HMBOX1: variants seen among roughly 807,000 people sequenced by gnomAD.
HMBOX1 encodes the protein homeobox-containing protein 1.
Under a neutral mutation model 54.5 loss-of-function variants are expected in HMBOX1, and 14 were observed. The observed-to-expected ratio is 0.26, with a 90% CI of 0.17 to 0.40. The LOEUF is 0.40. Among genes scored for constraint, HMBOX1 ranks in the 10% least tolerant of loss-of-function variants. HMBOX1 has a pLI of 1.00. For synonymous variants in HMBOX1, 160 were observed against 181.0 expected, an observed-to-expected ratio of 0.88 and a Z score of 0.93; for missense variants, 332 against 514.4, an observed-to-expected ratio of 0.65 and a Z score of 3.43.
intron 1 of HMBOX1, among the ~76,000 whole-genome samples, chr8:28,910,653 G>T (rs1301067872): frequency 6.6e-6 from 1 of 151,984 alleles, no homozygotes; most frequent in Non-Finnish European, 1.5e-5. Context: ...TGTGCTTATT[G>T]GCAATTCATA....
intron 5 of HMBOX1, among the ~76,000 whole-genome samples, chr8:29,017,489 A>G (rs1835204417): frequency 1.3e-5 from 2 of 152,238 alleles, no homozygotes; most frequent in African/African-American, 4.8e-5. Context: ...TTCTAAAAGT[A>G]GTAGCAGTGC....
Position 29,029,754 on chromosome 8 carries a change from G to A in HMBOX1, c.851+10841G>A, listed in dbSNP as rs187736133. Among the ~76,000 whole-genome samples, 3 of 152,302 alleles carry A rather than the reference G, an allele frequency of 2.0e-5. No homozygotes were observed. The East Asian group carries it at 5.8e-4, about 29-fold the overall frequency. On this transcript the variant is annotated intron_variant, in intron 6 of 9. Coordinates refer to ENST00000287701, the MANE Select transcript of HMBOX1 (RefSeq NM_001135726.3). ...GATTTGAAGAATAATTCTACTCATT[G>A]AACTTCTCAGCCCTTTATCTTCCTT...
chr8:28,910,123 T>G (rs1473835475), intron 1 of HMBOX1, among the ~76,000 whole-genome samples: 1 of 152,252 alleles, frequency 6.6e-6, no homozygotes, highest in African/African-American at 2.4e-5. Flanking sequence ...CCTTTTGTGT[T>G]TACAGATTTG....
intron 1 of HMBOX1, among the ~76,000 whole-genome samples, chr8:28,939,288 TAA>T (rs781363581): frequency 1.6e-4 from 21 of 130,256 alleles, no homozygotes; most frequent in Non-Finnish European, 1.3e-4. Context: ...AAACTCCGTC[TAA>T]AAAAAAAAAA....
At position 29,051,529 on chromosome 8, in the gene HMBOX1, T is replaced by C. The variant is rs1401369701; in HGVS notation, c.*374T>C. On this transcript the variant is annotated 3_prime_UTR_variant, in exon 10 of 10. Coordinates refer to ENST00000287701, the MANE Select transcript of HMBOX1 (RefSeq NM_001135726.3). ...CCTTTAGATTCTTGTAACACTAGTC[T>C]GTACTCCCTTTTCCTTCCCCAAGAC... 4.3e-6 allele frequency: 3 copies of C among 703,044 alleles called. No homozygotes were observed. In the East Asian group the frequency reaches 8.0e-5, roughly 19 times the overall value. The allele number at this position is 703,044 out of a possible 1,614,324, so 43.6% of individuals were successfully genotyped here.
intron 4 of HMBOX1, among the ~76,000 whole-genome samples, chr8:29,001,057 A>G (rs143488602): frequency 1.3e-5 from 2 of 152,290 alleles, no homozygotes; most frequent in Middle Eastern, 3.4e-3. Context: ...TTACTTCACT[A>G]TTCTCACTGA....
At chr8:28,893,078 C>A (rs2131474773) in intron 1 of HMBOX1, among the ~76,000 whole-genome samples, 1 of 152,228 alleles carries the variant, frequency 6.6e-6, no homozygotes, top group Non-Finnish European at 1.5e-5. Flanking sequence ...CTCAAAATTT[C>A]TTTTTGTTTT....
At chr8:29,021,717 G>A (rs145129930) in intron 6 of HMBOX1, among the ~76,000 whole-genome samples, 30 of 151,920 alleles carry the variant, frequency 2.0e-4, no homozygotes, top group South Asian at 1.0e-3. Flanking sequence ...AAAATTAGCC[G>A]GGCGTGGTGG....
intron 4 of HMBOX1, among the ~76,000 whole-genome samples, chr8:28,987,739 C>T (rs989960044): frequency 2.6e-5 from 4 of 152,144 alleles, no homozygotes; most frequent in African/African-American, 7.2e-5. Context: ...GATGCTTGCA[C>T]TAACCAAACT....
intron 4 of HMBOX1, among the ~76,000 whole-genome samples, chr8:28,986,030 A>G (rs1830110806): frequency 6.6e-6 from 1 of 152,212 alleles, no homozygotes; most frequent in South Asian, 2.1e-4. Flanking sequence ...CCATTGTAGT[A>G]TCACACAGAG....
chr8:28,971,559 C>T (rs1025618975), intron 3 of HMBOX1, among the ~76,000 whole-genome samples: 2 of 151,940 alleles, frequency 1.3e-5, no homozygotes, highest in African/African-American at 4.8e-5. Context: ...TGACCTTGAC[C>T]TAAATGGTAA....
At chr8:29,031,815 G>A (rs923462909) in intron 6 of HMBOX1, among the ~76,000 whole-genome samples, 5 of 152,146 alleles carry the variant, frequency 3.3e-5, no homozygotes, top group African/African-American at 7.2e-5. Flanking sequence ...GGAGGAGTCA[G>A]GTTAAAAATG....
At position 29,052,993 on chromosome 8, in the gene HMBOX1, G is replaced by A. The variant is rs1187236307; in HGVS notation, c.*1838G>A. 1 of 152,402 alleles carries A rather than the reference G, an allele frequency of 6.6e-6. No individual in the cohort carries two copies. Among genetic ancestry groups the A allele is most frequent in the Non-Finnish European group, 1.5e-5 (1 of 68,048 alleles). The allele number at this position is 152,402 out of a possible 1,614,324, so 9.4% of individuals were successfully genotyped here. A position where few individuals can be genotyped will look rare whatever the true frequency, so the allele number is the denominator to read the frequency against. ...AAACTGTGAGAGAGAGAGACTGAAT[G>A]ACCTTCCTCAGTTTTCCCTTTCTCA... On this transcript the variant is annotated 3_prime_UTR_variant, in exon 10 of 10. Transcript: ENST00000287701.
intron 1 of HMBOX1, among the ~76,000 whole-genome samples, chr8:28,963,167 A>T (rs1230438902): frequency 2.0e-5 from 3 of 151,972 alleles, no homozygotes; most frequent in African/African-American, 7.3e-5. Context: ...TATTTTTAGT[A>T]CAGTTGGGGT....
chr8:28,978,489 TGAA>T (rs1411131824), intron 3 of HMBOX1, among the ~76,000 whole-genome samples: 1 of 152,022 alleles, frequency 6.6e-6, no homozygotes, highest in Admixed American at 6.6e-5. Flanking sequence ...AAGGATATAA[TGAA>T]GAGACGTAGG....
intron 1 of HMBOX1, among the ~76,000 whole-genome samples, chr8:28,918,256 T>C (rs911350463): frequency 4.6e-5 from 7 of 152,220 alleles, no homozygotes; most frequent in African/African-American, 1.2e-4. Context: ...CTGGCTGGAG[T>C]GCAGTGGCGC....
rs569955760 is a variant in HMBOX1, at chr8:28,942,023, C to T, written c.-57-21788C>T. On this transcript the variant is annotated intron_variant, in intron 1 of 9. Coordinates refer to ENST00000287701, the MANE Select transcript of HMBOX1 (RefSeq NM_001135726.3). ...GAAGTCCATCCGCCCTCAGGCCACC[C>T]CAGTGTGGTACCTATCAATGCCACT... Among the ~76,000 whole-genome samples, 12 of 152,314 alleles carry T rather than the reference C, an allele frequency of 7.9e-5. No individual in the cohort carries two copies. The South Asian group carries it at 2.3e-3, about 29-fold the overall frequency.
At chr8:29,010,010 T>C in intron 5 of HMBOX1, 1 of 984,710 alleles carries the variant, frequency 1.0e-6, no homozygotes, top group Non-Finnish European at 1.2e-6. Context: ...TAGCATTGGC[T>C]CTGAGGTAGA....
chr8:28,917,924 C>G (rs1816856788), intron 1 of HMBOX1, among the ~76,000 whole-genome samples: 1 of 152,070 alleles, frequency 6.6e-6, no homozygotes, highest in Non-Finnish European at 1.5e-5. Flanking sequence ...AGGATTTTTT[C>G]ATCTGTGTTC....
Sources: allele counts gnomAD v4.1 joint callset (sites outside exome capture counted in the v4.1 genomes callset), GRCh38; gene constraint gnomAD v4.1.1; transcripts MANE v1.5; gene names NCBI Gene and HGNC (gene_info 2026-07-23, HGNC 2026-07-21).